SPOCK3: variants seen among roughly 807,000 people sequenced by gnomAD.
The protein encoded by SPOCK3 is SPARC (osteonectin), cwcv and kazal like domains proteoglycan 3.
In SPOCK3, 30 loss-of-function variants were observed where a neutral mutation model predicts 56.6. That is an observed-to-expected ratio of 0.53 (90% CI 0.40 to 0.72). The LOEUF is 0.72. Among genes scored for constraint, SPOCK3 ranks in the 30% least tolerant of loss-of-function variants. The probability of loss-of-function intolerance (pLI) is 0.00; values close to 1 mark genes in which losing one functional copy is unlikely to be tolerated. For missense variants in SPOCK3, 527 were observed against 530.0 expected (o/e 0.99, Z 0.06); for synonymous variants, 196 against 183.3 (o/e 1.07, Z -0.56).
At chr4:166,914,876 A>G (rs947968966) in intron 4 of SPOCK3, among the ~76,000 whole-genome samples, 1 of 152,228 alleles carries the variant, frequency 6.6e-6, no homozygotes, top group African/African-American at 2.4e-5. Flanking sequence ...GTAAAACAAG[A>G]TTAGTTGTTC....
intron 2 of SPOCK3, among the ~76,000 whole-genome samples, chr4:167,209,596 A>T (rs1178460793): frequency 3.3e-5 from 5 of 151,902 alleles, no homozygotes; most frequent in African/African-American, 9.7e-5. Flanking sequence ...TAGAATACAC[A>T]TTTTCCTCAG....
At chr4:166,975,654 C>T (rs909021997) in intron 4 of SPOCK3, among the ~76,000 whole-genome samples, 4 of 152,084 alleles carry the variant, frequency 2.6e-5, no homozygotes, top group African/African-American at 7.2e-5. Context: ...GCCCTCATCT[C>T]CTACTTCCCC....
intron 7 of SPOCK3, among the ~76,000 whole-genome samples, chr4:166,789,981 A>G (rs1316907570): frequency 1.3e-5 from 2 of 152,202 alleles, no homozygotes; most frequent in African/African-American, 4.8e-5. Flanking sequence ...GACTACAGTA[A>G]TAACTGTCAT....
chr4:167,169,791 C>T (rs1730334611), intron 2 of SPOCK3, among the ~76,000 whole-genome samples: 2 of 152,060 alleles, frequency 1.3e-5, no homozygotes, highest in Admixed American at 6.6e-5. Flanking sequence ...TTGTAATAAT[C>T]CCCAAGTGTC....
chr4:167,035,415 A>G (rs907893586), intron 3 of SPOCK3, among the ~76,000 whole-genome samples: 2 of 149,690 alleles, frequency 1.3e-5, no homozygotes, highest in Non-Finnish European at 3.0e-5. Flanking sequence ...AGATGTGATG[A>G]AAAAAAAAAG....
intron 2 of SPOCK3, among the ~76,000 whole-genome samples, chr4:167,110,246 T>C (rs371844959): frequency 6.6e-6 from 1 of 152,078 alleles, no homozygotes; most frequent in Non-Finnish European, 1.5e-5. Flanking sequence ...GTATTCCACA[T>C]CTTTCTTTCT....
rs527641984 is a variant in SPOCK3 at position 166,772,626 on chromosome 4, C to G, written c.710-17897G>C. Among the ~76,000 whole-genome samples the G allele has an allele frequency of 2.0e-5, 3 of 152,176 alleles. No individual in the cohort carries two copies. In the East Asian group the frequency reaches 5.8e-4, roughly 29 times the overall value. On this transcript the variant is annotated intron_variant, in intron 7 of 10. Transcript: ENST00000357545. The stretch of plus-strand genomic sequence containing the variant: ...ATATGATATTATTGGGAAATTGATA[C>G]AACAGAATATTCACAAGCAGTTTTT...
chr4:166,846,765 G>A (rs1022584476), intron 6 of SPOCK3, among the ~76,000 whole-genome samples: 1 of 151,910 alleles, frequency 6.6e-6, no homozygotes, highest in South Asian at 2.1e-4. Flanking sequence ...CTGGTAATTT[G>A]CAAGGCAATT....
rs75876400 is a variant in SPOCK3, at chr4:166,872,549, T to C, written c.589+16581A>G. Among the ~76,000 whole-genome samples, 151 of 152,282 alleles carry C rather than the reference T, an allele frequency of 9.9e-4. 5 individuals are homozygous for C. In the East Asian group the frequency reaches 0.028, roughly 29 times the overall value. ...TGCCAAAACTTGGAAGAAACCAAGA[T>C]ATCCTTCAGTATGTAAATGGATAAA... On this transcript the variant is annotated intron_variant, in intron 6 of 10. Coordinates refer to ENST00000357545, the MANE Select transcript of SPOCK3 (RefSeq NM_001040159.2).
intron 2 of SPOCK3, among the ~76,000 whole-genome samples, chr4:167,084,115 T>C (rs2041816308): frequency 6.6e-6 from 1 of 152,066 alleles, no homozygotes; most frequent in South Asian, 2.1e-4. Context: ...GAATATGTGT[T>C]GCTAACATAC....
intron 2 of SPOCK3, among the ~76,000 whole-genome samples, chr4:167,228,383 T>C (rs1301563992): frequency 1.3e-5 from 2 of 152,170 alleles, no homozygotes; most frequent in Non-Finnish European, 2.9e-5. Flanking sequence ...TTATGAAAGC[T>C]AGAGGGTTAA....
intron 4 of SPOCK3, among the ~76,000 whole-genome samples, chr4:166,967,689 G>A (rs1380720308): frequency 6.6e-6 from 1 of 152,096 alleles, no homozygotes. Flanking sequence ...CCCACTCTTG[G>A]GTAATTCTTT....
intron 4 of SPOCK3, among the ~76,000 whole-genome samples, chr4:166,974,098 A>C (rs531046301): frequency 2.6e-5 from 4 of 152,286 alleles, no homozygotes; most frequent in African/African-American, 9.6e-5. Flanking sequence ...GTTCATCTTC[A>C]TGAGGTAAAT....
At chr4:166,939,974 CAG>C (rs1254775458) in intron 4 of SPOCK3, among the ~76,000 whole-genome samples, 7 of 152,000 alleles carry the variant, frequency 4.6e-5, no homozygotes, top group Non-Finnish European at 1.0e-4. Context: ...TGGCAATAAA[CAG>C]ATAACTTGAT....
At chr4:167,148,731 A>C (rs1271113679) in intron 2 of SPOCK3, among the ~76,000 whole-genome samples, 1 of 152,132 alleles carries the variant, frequency 6.6e-6, no homozygotes, top group Non-Finnish European at 1.5e-5. Flanking sequence ...CAGATTTTGA[A>C]ATTATTTAAC....
intron 2 of SPOCK3, among the ~76,000 whole-genome samples, chr4:167,178,290 C>G (rs1731155723): frequency 6.6e-6 from 1 of 152,158 alleles, no homozygotes; most frequent in African/African-American, 2.4e-5. Flanking sequence ...CACTTCTCAA[C>G]ATTTACATTC....
chr4:166,818,284 A>G (rs1744582160), intron 6 of SPOCK3, among the ~76,000 whole-genome samples: 1 of 151,900 alleles, frequency 6.6e-6, no homozygotes, highest in Non-Finnish European at 1.5e-5. Context: ...AACTAACTAA[A>G]ATCAAAGAGG....
At chr4:166,997,210 G>T (rs1342857753) in intron 4 of SPOCK3, among the ~76,000 whole-genome samples, 1 of 151,990 alleles carries the variant, frequency 6.6e-6, no homozygotes, top group Non-Finnish European at 1.5e-5. Context: ...TATGCATGCG[G>T]TGCTTAATAC....
At position 166,979,140 on chromosome 4, in the gene SPOCK3, C is replaced by T. The variant is rs80016866; in HGVS notation, c.350+21209G>A. On this transcript the variant is annotated intron_variant, in intron 4 of 10. Transcript: ENST00000357545. ...AAAATCCCTTTCACAATTTAAGAGC[C>T]GCAGATTCACATGCATCTCTGCAGA... Among the ~76,000 whole-genome samples the T allele has an allele frequency of 4.9e-3, 742 of 152,156 alleles. 6 individuals carry two copies. The highest frequency in any genetic ancestry group is 7.3e-3 in the Non-Finnish European group (499 of 67,998).
Sources: gnomAD v4.1 joint callset for allele counts (sites outside exome capture counted in the v4.1 genomes callset) on GRCh38, gnomAD v4.1.1 for gene constraint, MANE v1.5 for transcripts, NCBI Gene and HGNC (gene_info 2026-07-23, HGNC 2026-07-21) for gene names.